The following CR1 variants were observed in gnomAD, a reference collection of about 807,000 sequenced individuals.
CR1 encodes complement receptor type 1.
CR1 carries 116 observed loss-of-function variants against 187.3 expected under a neutral mutation model. The ratio of observed to expected loss-of-function variants is 0.62; its 90% confidence interval spans 0.53 to 0.72. The LOEUF (loss-of-function observed/expected upper bound fraction) is 0.72. Ranked by LOEUF, CR1 falls within the 30% of genes least tolerant of loss-of-function variation. CR1 has a pLI of 0.00. For synonymous variants in CR1, 576 were observed against 747.1 expected (o/e 0.77, Z 3.73); for missense variants, 1,731 against 2,110.7 (o/e 0.82, Z 3.52).
chr1:207,586,685 C>T (rs188898523), intron 33 of CR1, among the ~76,000 whole-genome samples: 1 of 152,222 alleles, frequency 6.6e-6, no homozygotes, highest in African/African-American at 2.4e-5. Context: ...CTTGGCATTC[C>T]TTGGTTTGTG....
chr1:207,563,740 T>C, intron 21 of CR1, 124 bp from the exon 22 acceptor site: 1 of 545,400 alleles, frequency 1.8e-6, no homozygotes, highest in Non-Finnish European at 2.7e-6. Flanking sequence ...ATCAATGTAA[T>C]AAGGCTGTTA....
intron 32 of CR1, 24 bp downstream of exon 32, chr1:207,582,027 A>C: frequency 1.3e-6 from 2 of 1,542,782 alleles, no homozygotes; most frequent in Non-Finnish European, 1.8e-6. Context: ...ATACTTGTTC[A>C]GTCTGGATCT....
At chr1:207,578,263 G>A in intron 29 of CR1, 60 bp downstream of exon 29, 1 of 1,611,628 alleles carries the variant, frequency 6.2e-7, no homozygotes, top group Non-Finnish European at 8.5e-7. Flanking sequence ...GTTGGATCAG[G>A]AGATGAGTAT....
rs1558272577 is a variant in CR1 at position 207,618,079 on chromosome 1, C to T, written c.6898C>T (p.His2300Tyr). Residue 2300 changes from histidine to tyrosine, a missense_variant, in exon 42 of 47, where the codon CAT (histidine) becomes TAT (tyrosine). Coordinates refer to ENST00000367049, the MANE Select transcript of CR1 (RefSeq NM_000651.6). ...CELSVPAACP[H>Y]PPKIQNGHYI... ...TGGGAACTTGTTCTTAGCCTGCCCA[C>T]ATCCACCCAAGATCCAAAACGGGCA... 1 of 1,613,110 alleles carries T rather than the reference C, an allele frequency of 6.2e-7. No individual in the cohort carries two copies.
chr1:207,504,078 A>C (rs1242149600), intron 1 of CR1, among the ~76,000 whole-genome samples: 1 of 152,196 alleles, frequency 6.6e-6, no homozygotes, highest in East Asian at 1.9e-4. Context: ...CTTAGCTAAG[A>C]GGGGAAAGGC....
chr1:207,582,542 A>G (rs1344328470), intron 32 of CR1, among the ~76,000 whole-genome samples: 8 of 152,238 alleles, frequency 5.3e-5, no homozygotes, highest in Non-Finnish European at 1.0e-4. Flanking sequence ...GTTATTAAGA[A>G]AATGCTCTTA....
intron 35 of CR1, among the ~76,000 whole-genome samples, chr1:207,605,633 A>G (rs979761587): frequency 4.6e-5 from 7 of 152,192 alleles, no homozygotes; most frequent in Non-Finnish European, 1.0e-4. Context: ...GCCAAAAGTC[A>G]GAGGACTCCC....
chr1:207,523,222 T>C (rs1318497307), intron 4 of CR1, among the ~76,000 whole-genome samples: 1 of 152,198 alleles, frequency 6.6e-6, no homozygotes, highest in Non-Finnish European at 1.5e-5. Context: ...ATACTTTATC[T>C]TTTAGCAAAT....
At chr1:207,502,068 ATAAG>A (rs1659288614) in intron 1 of CR1, among the ~76,000 whole-genome samples, 1 of 152,276 alleles carries the variant, frequency 6.6e-6, no homozygotes, top group African/African-American at 2.4e-5. Flanking sequence ...TTTGAGTTTT[ATAAG>A]TAATTCTTCA....
In CR1 at chr1:207,506,786, C is replaced by T. The variant is rs781217918; in HGVS notation, c.374C>T (p.Ser125Phe). 4 of 1,613,442 alleles carry T rather than the reference C, an allele frequency of 2.5e-6. No individual in the cohort carries two copies. The East Asian group carries it at 8.9e-5, about 36-fold the overall frequency. ...VHVIKGIQFG[S>F]QIKYSCTKGY... ...GTGATCAAAGGCATCCAGTTCGGAT[C>T]CCAAATTAAATATTCTTGTACTAAA... is the stretch of plus-strand genomic sequence containing the variant. Residue 125 changes from serine (S) to phenylalanine (F), a missense_variant, in exon 3 of 47, where the codon TCC (serine) becomes TTC (phenylalanine). Physicochemically the swap from Ser to Phe is radical, Grantham distance 155. This residue lies in a region of CR1 where 237 missense variants were observed against 240.4 expected (regional missense o/e 0.99). Transcript: ENST00000367049.
At chr1:207,603,233 A>T (rs908717898) in intron 35 of CR1, among the ~76,000 whole-genome samples, 1 of 152,136 alleles carries the variant, frequency 6.6e-6, no homozygotes, top group African/African-American at 2.4e-5. Flanking sequence ...GTGTCTGGTA[A>T]CCACCTTTCT....
In CR1 at chr1:207,609,491, C is replaced by T. The variant is rs544740223; in HGVS notation, c.6098C>T (p.Pro2033Leu). The change falls in exon 37 of 47, where the codon CCT (proline) becomes CTT (leucine). Residue 2033 changes from proline (P) to leucine (L), a missense_variant. By Grantham distance (98) the Pro-to-Leu change is moderately conservative. Coordinates refer to ENST00000367049, the MANE Select transcript of CR1 (RefSeq NM_000651.6). ...DQVGVWSSPPPRCISTNKCTA... is the reference protein window; with the variant it reads ...DQVGVWSSPPLRCISTNKCTA... ...GTTGGTGTTTGGAGCAGCCCTCCCC[C>T]TCGGTGTATTTCTACTAATAAATGC... The T allele has an allele frequency of 7.4e-6, 12 of 1,613,880 alleles. No homozygotes were observed. The highest frequency in any genetic ancestry group is 2.2e-5 in the South Asian group (2 of 91,086).
chr1:207,505,446 G>A (rs114589181), intron 1 of CR1, among the ~76,000 whole-genome samples: 5,574 of 152,172 alleles, frequency 0.037, 142 homozygotes, highest in African/African-American at 0.059. Flanking sequence ...TTACAGGCAT[G>A]AGCCACCACT....
chr1:207,596,495 T>A (rs955517972), intron 35 of CR1, among the ~76,000 whole-genome samples: 1 of 151,948 alleles, frequency 6.6e-6, no homozygotes, highest in Non-Finnish European at 1.5e-5. Flanking sequence ...ATGCCTGTAA[T>A]CCCAGCTACT....
rs17047661 is a variant in CR1, at chr1:207,609,544, A to G, written c.6151A>G (p.Arg2051Gly). The part of the protein sequence containing the change: ...CTAPEVENAI[R>G]VPGNRSFFTL... ...AGCTCCAGAAGTTGAAAATGCAATTAGAGTACCAGGAAACAGGAGTTTCTT... is the reference window on the plus strand; with the variant it reads ...AGCTCCAGAAGTTGAAAATGCAATTGGAGTACCAGGAAACAGGAGTTTCTT... Residue 2051 changes from arginine (R) to glycine (G), a missense_variant, in exon 37 of 47, where the codon AGA (arginine) becomes GGA (glycine). This residue lies in a region of CR1 where 1,312 missense variants were observed against 1,379.6 expected (regional missense o/e 0.95). Coordinates refer to ENST00000367049, the MANE Select transcript of CR1 (RefSeq NM_000651.6). 54,785 of 1,613,794 alleles carry G rather than the reference A, an allele frequency of 0.034. 14,885 individuals carry two copies. The African/African-American group carries it at 0.62, about 18-fold the overall frequency.
intron 43 of CR1, among the ~76,000 whole-genome samples, chr1:207,621,126 T>C (rs1662302847): frequency 6.6e-6 from 1 of 151,956 alleles, no homozygotes; most frequent in Non-Finnish European, 1.5e-5. Flanking sequence ...AATAAAAAAA[T>C]TAGCTGGTCG....
At chr1:207,501,166 A>G (rs979696049) in intron 1 of CR1, among the ~76,000 whole-genome samples, 1 of 152,240 alleles carries the variant, frequency 6.6e-6, no homozygotes, top group East Asian at 1.9e-4. Context: ...TTCGGGTTAT[A>G]TGAAATTTTA....
intron 42 of CR1, among the ~76,000 whole-genome samples, chr1:207,619,510 A>C (rs1307748000): frequency 6.6e-6 from 1 of 152,222 alleles, no homozygotes; most frequent in Non-Finnish European, 1.5e-5. Context: ...GCAGAGTGCC[A>C]GTATTTGTTG....
intron 3 of CR1, among the ~76,000 whole-genome samples, chr1:207,510,478 C>T (rs1659576810): frequency 6.6e-6 from 1 of 152,138 alleles, no homozygotes; most frequent in Non-Finnish European, 1.5e-5. Context: ...TGCTTCATTC[C>T]TTCATGTATA....
Sources: allele counts gnomAD v4.1 joint callset (sites outside exome capture counted in the v4.1 genomes callset), GRCh38; gene constraint gnomAD v4.1.1; regional missense constraint gnomAD v4.1.1; transcripts MANE v1.5; gene names NCBI Gene and HGNC (gene_info 2026-07-23, HGNC 2026-07-21).